Variants in CDKL5 observed in about 807,000 individuals in gnomAD.
CDKL5 encodes cyclin-dependent kinase-like 5.
Under a neutral mutation model 61.7 loss-of-function variants are expected in CDKL5, and 8 were observed. The observed-to-expected ratio is 0.13, with a 90% CI of 0.08 to 0.23. The LOEUF is 0.23. Ranked by LOEUF, CDKL5 falls within the 10% of genes least tolerant of loss-of-function variation. The pLI is 1.00. For synonymous variants in CDKL5, 275 were observed against 272.3 expected, an observed-to-expected ratio of 1.01 and a Z score of -0.10; for missense variants, 440 against 734.5, an observed-to-expected ratio of 0.60 and a Z score of 4.63.
intron 1 of CDKL5, among the ~76,000 whole-genome samples, chrX:18,438,471 G>C (rs1006244660): frequency 9.1e-6 from 1 of 110,284 alleles, no homozygotes; most frequent in Non-Finnish European, 1.9e-5. Context: ...GCAGGTAAAG[G>C]GTTTACAGGC....
chrX:18,564,547 A>G (rs751665132), intron 4 of CDKL5, 25 bp downstream of exon 4: 1 of 558,879 alleles, frequency 1.8e-6, no homozygotes, highest in Non-Finnish European at 2.5e-6. Flanking sequence ...ATATATATAT[A>G]TATCTGTATA....
intron 2 of CDKL5, among the ~76,000 whole-genome samples, chrX:18,507,763 C>T (rs1602230934): frequency 9.0e-6 from 1 of 111,276 alleles, no homozygotes; most frequent in Middle Eastern, 4.7e-3. Context: ...TGGGTTTCAC[C>T]ATGTTGGTGA....
In CDKL5 at chrX:18,442,773, T is replaced by C. The variant is rs912277992; in HGVS notation, c.-163+17078T>C. ...CCTCCCAAAGTGCTGGGATTACAGG[T>C]GTGAGCCACCGCGCCTAGCGCTCTG... is the stretch of plus-strand genomic sequence containing the variant. On this transcript the variant is annotated intron_variant, in intron 1 of 17. Transcript: ENST00000623535. 6.3e-5 allele frequency among the ~76,000 whole-genome samples: 7 copies of C among 111,870 alleles called. No homozygotes were observed. The Admixed American group carries it at 6.7e-4, about 11-fold the overall frequency.
chrX:18,538,451 T>G (rs2147114216), intron 3 of CDKL5, among the ~76,000 whole-genome samples: 1 of 110,942 alleles, frequency 9.0e-6, no homozygotes, highest in Non-Finnish European at 1.9e-5. Context: ...ATTTATCAAT[T>G]TTTTTTTTCC....
chrX:18,497,268 G>C (rs1290954601), intron 1 of CDKL5: 1 of 111,263 alleles, frequency 9.0e-6, no homozygotes, highest in Non-Finnish European at 1.9e-5. Flanking sequence ...ATAAATCACT[G>C]GCTCGATTCC....
chrX:18,487,702 G>T (rs996812010), intron 1 of CDKL5, among the ~76,000 whole-genome samples: 7 of 112,815 alleles, frequency 6.2e-5, no homozygotes, highest in Non-Finnish European at 1.1e-4. Context: ...GATCACTTGA[G>T]GTCAGGAGTT....
intron 3 of CDKL5, among the ~76,000 whole-genome samples, chrX:18,523,819 T>C (rs981296304): frequency 8.9e-6 from 1 of 112,186 alleles, no homozygotes; most frequent in Admixed American, 9.4e-5. Flanking sequence ...CATACAAGTA[T>C]CTGAGTCCTT....
chrX:18,597,127 AC>A (rs1475678907), intron 10 of CDKL5, among the ~76,000 whole-genome samples: 1 of 108,221 alleles, frequency 9.2e-6, no homozygotes, highest in African/African-American at 3.4e-5. Flanking sequence ...ATGCCACCCC[AC>A]CCCCCTCAGA....
In CDKL5 at chrX:18,632,050, A is replaced by G. The variant is rs975090412; in HGVS notation, c.*3293A>G. On this transcript the variant is annotated 3_prime_UTR_variant, in exon 18 of 18. Transcript: ENST00000623535. ...CTGCCATGCACAGGACAGCCCCCCA[A>G]ACAAACAGTGGTCCAGCCCCAAGCA... 2.9e-6 allele frequency: 2 copies of G among 681,631 alleles called. No homozygotes were observed. Among genetic ancestry groups the G allele is most frequent in the Admixed American group, 1.8e-4 (2 of 11,356 alleles). 56.2% of individuals were successfully genotyped at this position (681,631 alleles called of 1,213,427 possible).
chrX:18,642,755 C>T (rs1178069934), downstream of CDKL5, among the ~76,000 whole-genome samples: 2 of 112,217 alleles, frequency 1.8e-5, no homozygotes, highest in African/African-American at 3.2e-5. Context: ...GACATAAAAA[C>T]TTGGCCAGGC....
rs184783571 is a variant in CDKL5 at position 18,524,902 on chromosome X, A to T, written c.99+14048A>T. 4.4e-3 allele frequency among the ~76,000 whole-genome samples: 484 copies of T among 111,116 alleles called. 2 individuals are homozygous for T. The Middle Eastern group carries it at 0.047, about 11-fold the overall frequency. ...CTTTGTCAAAGATCTGCTGATTGTA[A>T]TTGTGTCGAGTCTATTTTTTGTTTG... is the stretch of plus-strand genomic sequence containing the variant. On this transcript the variant is annotated intron_variant, in intron 3 of 17. Transcript: ENST00000623535.
intron 4 of CDKL5, among the ~76,000 whole-genome samples, chrX:18,565,045 A>G (rs1432277607): frequency 8.9e-6 from 1 of 112,010 alleles, no homozygotes; most frequent in Non-Finnish European, 1.9e-5. Context: ...AAGAAGAAAT[A>G]CTATGCTTAG....
chrX:18,574,324 T>C (rs1482415945), intron 4 of CDKL5, among the ~76,000 whole-genome samples: 3 of 111,652 alleles, frequency 2.7e-5, no homozygotes, highest in African/African-American at 6.5e-5. Context: ...TTATGTAGTC[T>C]CCTGTCAGTT....
intron 11 of CDKL5, among the ~76,000 whole-genome samples, chrX:18,602,485 G>A (rs1359068283): frequency 1.8e-4 from 1 of 5,500 alleles, no homozygotes; most frequent in South Asian, 7.5e-3. Flanking sequence ...CTAGGTCTGG[G>A]CTTTGCCATT....
chrX:18,463,205 G>A (rs1932329228), intron 1 of CDKL5, among the ~76,000 whole-genome samples: 1 of 108,286 alleles, frequency 9.2e-6, no homozygotes. Context: ...TGAGAGGATG[G>A]TGGTGCCTTT....
Position 18,604,608 on chromosome X carries a change from A to G in CDKL5, c.1684A>G (p.Thr562Ala), listed in dbSNP as rs376341076. 4 of 1,210,493 alleles carry G rather than the reference A, an allele frequency of 3.3e-6. No homozygotes were observed. Among genetic ancestry groups the G allele is most frequent in the Non-Finnish European group, 4.5e-6 (4 of 895,326 alleles). ...EGTLDSRRTT[T>A]RHSKTMEELK... ...AACGCTGGACTCACGTCGAACCACAACCAGACATTCTAAGACGATGGAGGA... is the reference window on the plus strand; with the variant it reads ...AACGCTGGACTCACGTCGAACCACAGCCAGACATTCTAAGACGATGGAGGA... The change falls in exon 12 of 18, where the codon ACC becomes GCC. Residue 562 changes from threonine to alanine, a missense_variant. Physicochemically the swap from Thr to Ala is moderately conservative, Grantham distance 58 (BLOSUM62 0). Coordinates refer to ENST00000623535, the MANE Select transcript of CDKL5 (RefSeq NM_001323289.2).
chrX:18,611,647 T>G (rs1032482754), intron 14 of CDKL5, among the ~76,000 whole-genome samples: 10 of 111,143 alleles, frequency 9.0e-5, no homozygotes, highest in African/African-American at 3.3e-4. Flanking sequence ...TTAGTTAGTC[T>G]TTGACCTCTG....
At chrX:18,448,919 G>A (rs1931943937) in intron 1 of CDKL5, among the ~76,000 whole-genome samples, 1 of 111,888 alleles carries the variant, frequency 8.9e-6, no homozygotes, top group African/African-American at 3.2e-5. Context: ...GCAGTGGCAC[G>A]ATCTCAGCTC....
At chrX:18,652,270 C>T (rs931471911) in intron 21 of CDKL5, among the ~76,000 whole-genome samples, 5 of 111,802 alleles carry the variant, frequency 4.5e-5, no homozygotes, top group African/African-American at 1.6e-4. Context: ...GCAGCAGAGG[C>T]CTCAGGGAAG....
Sources: gnomAD v4.1 joint callset for allele counts (sites outside exome capture counted in the v4.1 genomes callset) on GRCh38, gnomAD v4.1.1 for gene constraint, MANE v1.5 for transcripts, NCBI Gene and HGNC (gene_info 2026-07-23, HGNC 2026-07-21) for gene names.